CRB1: variants seen among roughly 807,000 people sequenced by gnomAD.
CRB1 encodes the protein crumbs cell polarity complex component 1, also known as protein crumbs homolog 1.
Under a neutral mutation model 120.0 loss-of-function variants are expected in CRB1, and 83 were observed. The ratio of observed to expected loss-of-function variants is 0.69; its 90% confidence interval spans 0.58 to 0.83. The LOEUF is 0.83. Ranked by LOEUF, CRB1 falls within the 40% of genes least tolerant of loss-of-function variation. CRB1 has a pLI of 0.00. For missense variants in CRB1, 1,699 were observed against 1,687.6 expected (o/e 1.01, Z -0.12); for synonymous variants, 625 against 612.5 (o/e 1.02, Z -0.30).
chr1:197,252,582 A>ATATATATATGTGTGTGTGTG, the CRB1 span, among the ~76,000 whole-genome samples: 8 of 15,496 alleles, frequency 5.2e-4, no homozygotes, highest in Admixed American at 2.3e-3. Flanking sequence ...ATATATATAT[A>ATATATATATGTGTGTGTGTG]TGTGTGTGTG....
intron 1 of CRB1, among the ~76,000 whole-genome samples, chr1:197,278,345 TTTG>T (rs1655337245): frequency 6.6e-6 from 1 of 151,930 alleles, no homozygotes; most frequent in South Asian, 2.1e-4. Flanking sequence ...CTACTGGTGC[TTTG>T]ACCTAGGACT....
intron 1 of CRB1, among the ~76,000 whole-genome samples, chr1:197,299,649 T>C (rs1415316010): frequency 6.6e-6 from 1 of 152,184 alleles, no homozygotes. Context: ...GTAGTATATT[T>C]ATATAACAGG....
intron 5 of CRB1, among the ~76,000 whole-genome samples, chr1:197,372,867 G>A (rs2125385676): frequency 6.6e-6 from 1 of 152,172 alleles, no homozygotes; most frequent in East Asian, 1.9e-4. Context: ...CAAGACTTTT[G>A]GTGTTTTTAT....
chr1:197,418,929 C>T (rs976280445), intron 5 of CRB1, among the ~76,000 whole-genome samples: 2 of 152,174 alleles, frequency 1.3e-5, no homozygotes, highest in African/African-American at 4.8e-5. Context: ...CACATGCCCA[C>T]ACTTTCTAAA....
At chr1:197,419,108 A>T (rs1194005049) in intron 5 of CRB1, among the ~76,000 whole-genome samples, 3 of 152,208 alleles carry the variant, frequency 2.0e-5, no homozygotes, top group Non-Finnish European at 4.4e-5. Flanking sequence ...GAGCCTCGTG[A>T]TGTAAATACT....
chr1:197,422,714 C>A (rs1422677438), intron 6 of CRB1: 1 of 152,060 alleles, frequency 6.6e-6, no homozygotes, highest in African/African-American at 2.4e-5. Flanking sequence ...CAATATATAC[C>A]TGTTTCTTTT....
chr1:197,383,037 T>A (rs2125403160), intron 5 of CRB1, among the ~76,000 whole-genome samples: 1 of 152,242 alleles, frequency 6.6e-6, no homozygotes, highest in East Asian at 1.9e-4. Context: ...TTAAAATTAT[T>A]TGTCCTCTAC....
chr1:197,302,747 G>T (rs957984972), intron 1 of CRB1, among the ~76,000 whole-genome samples: 1 of 152,202 alleles, frequency 6.6e-6, no homozygotes, highest in African/African-American at 2.4e-5. Flanking sequence ...ATGGCAAAAT[G>T]TGGGGGAATA....
At chr1:197,350,274 C>T (rs1319082957) in intron 4 of CRB1, among the ~76,000 whole-genome samples, 1 of 152,130 alleles carries the variant, frequency 6.6e-6, no homozygotes, top group Admixed American at 6.5e-5. Flanking sequence ...GGGTGAGTTT[C>T]CTCTTCATCT....
At chr1:197,458,005 C>T (rs983359798) in intron 11 of CRB1, among the ~76,000 whole-genome samples, 1 of 152,014 alleles carries the variant, frequency 6.6e-6, no homozygotes, top group Non-Finnish European at 1.5e-5. Flanking sequence ...AACATAACTG[C>T]ATTTTAAATT....
At chr1:197,204,905 A>G in the CRB1 span, among the ~76,000 whole-genome samples, 1 of 152,154 alleles carries the variant, frequency 6.6e-6, no homozygotes, top group African/African-American at 2.4e-5. Context: ...TTATGGTTTC[A>G]CGTCTTAGAT....
At chr1:197,360,709 G>A (rs1660726798) in intron 5 of CRB1, among the ~76,000 whole-genome samples, 1 of 152,164 alleles carries the variant, frequency 6.6e-6, no homozygotes, top group Admixed American at 6.5e-5. Flanking sequence ...TTTTCTTTTT[G>A]TAGATTCCAG....
chr1:197,468,982 A>AC (rs1003503420), intron 11 of CRB1, among the ~76,000 whole-genome samples: 206 of 151,326 alleles, frequency 1.4e-3, no homozygotes, highest in African/African-American at 4.9e-3. Context: ...CTCTGCTGGA[A>AC]CCCCCCGGCC....
the CRB1 span, among the ~76,000 whole-genome samples, chr1:197,249,064 T>C: frequency 6.6e-6 from 1 of 151,994 alleles, no homozygotes. Flanking sequence ...CTTGTAATGA[T>C]ATTTTATGCA....
At chr1:197,293,951 A>G (rs1656356729) in intron 1 of CRB1, among the ~76,000 whole-genome samples, 1 of 152,214 alleles carries the variant, frequency 6.6e-6, no homozygotes, top group Non-Finnish European at 1.5e-5. Flanking sequence ...ACCTAAGACC[A>G]TAAAAACCCT....
the CRB1 span, among the ~76,000 whole-genome samples, chr1:197,221,930 T>A: frequency 6.6e-6 from 1 of 152,188 alleles, no homozygotes; most frequent in Non-Finnish European, 1.5e-5. Flanking sequence ...CCTCTTCCAA[T>A]ATTGGGCAAC....
intron 4 of CRB1, among the ~76,000 whole-genome samples, chr1:197,355,098 A>G (rs2125350562): frequency 6.6e-6 from 1 of 152,100 alleles, no homozygotes; most frequent in East Asian, 1.9e-4. Flanking sequence ...AGCTAGACAC[A>G]GGGTGCTGAT....
At chr1:197,298,283 A>G (rs962200790) in intron 1 of CRB1, among the ~76,000 whole-genome samples, 5 of 152,058 alleles carry the variant, frequency 3.3e-5, no homozygotes, top group African/African-American at 1.2e-4. Flanking sequence ...AAGAGACAAA[A>G]CCTAGTAGCC....
the CRB1 span, among the ~76,000 whole-genome samples, chr1:197,229,269 A>G: frequency 6.6e-6 from 1 of 152,212 alleles, no homozygotes; most frequent in African/African-American, 2.4e-5. Context: ...AGTTCAAATA[A>G]ATTTAAAAGT....
Sources: allele counts gnomAD v4.1 joint callset (sites outside exome capture counted in the v4.1 genomes callset), GRCh38; gene constraint gnomAD v4.1.1; transcripts MANE v1.5; gene names NCBI Gene and HGNC (gene_info 2026-07-23, HGNC 2026-07-21).